ARHGEF18: variants seen among roughly 807,000 people sequenced by gnomAD.
The protein encoded by ARHGEF18 is Rho/Rac guanine nucleotide exchange factor 18, also known as rho guanine nucleotide exchange factor 18.
A neutral mutation model predicts 155.7 loss-of-function variants in ARHGEF18; 93 were observed. The observed-to-expected ratio is 0.60, with a 90% CI of 0.50 to 0.71. The LOEUF (loss-of-function observed/expected upper bound fraction) is 0.71. Ranked by LOEUF, ARHGEF18 falls within the 30% of genes least tolerant of loss-of-function variation. The pLI, the probability that ARHGEF18 is intolerant of heterozygous loss-of-function variation, is 0.00. For missense variants in ARHGEF18, 1,593 were observed against 1,816.1 expected, an observed-to-expected ratio of 0.88 and a Z score of 2.23; for synonymous variants, 742 against 753.1, an observed-to-expected ratio of 0.99 and a Z score of 0.24.
rs970051244 is a variant in ARHGEF18, at chr19:7,462,095, A to C, written c.2453-57A>C. ...ATCCTTAGGCCAGTCCCCGGGGCTCAGATGATTCCAGGGAAGGCCGACCCG... is the reference window on the plus strand; with the variant it reads ...ATCCTTAGGCCAGTCCCCGGGGCTCCGATGATTCCAGGGAAGGCCGACCCG... On this transcript the variant is annotated intron_variant, in intron 20 of 28. Transcript: ENST00000668164. The surrounding 1 kb of genome is among the most constrained non-coding windows in gnomAD (Gnocchi z 4.4). 1.2e-6 allele frequency: 2 copies of C among 1,608,184 alleles called. No homozygotes were observed. The highest frequency in any genetic ancestry group is 2.7e-5 in the African/African-American group (2 of 74,870).
Position 7,375,387 on chromosome 19 carries a change from G to GAAGGAAGGAAGAAAGGAAGGAAGAA in ARHGEF18, c.276-304_276-280dup, listed in dbSNP as rs1351040707. Among the ~76,000 whole-genome samples, 6 of 144,468 alleles carry GAAGGAAGGAAGAAAGGAAGGAAGAA rather than the reference G, an allele frequency of 4.2e-5. No individual in the cohort carries two copies. The East Asian group carries it at 5.9e-4, about 14-fold the overall frequency. The allele number at this position is 144,468 out of a possible 152,430, so 94.8% of individuals were successfully genotyped here. A position where few individuals can be genotyped will look rare whatever the true frequency, so the allele number is the denominator to read the frequency against. ...GAAGGAAGGAAGGAAGAAAGAAAAG[G>GAAGGAAGGAAGAAAGGAAGGAAGAA]AAGGAAGGAAGAAAGGAAGGAAGAA... On this transcript the variant is annotated intron_variant, in intron 3 of 28. Transcript: ENST00000668164.
chr19:7,440,304 C>T lies in ARHGEF18; in HGVS notation c.968-40C>T, dbSNP rs761625814. 8.1e-6 allele frequency: 13 copies of T among 1,598,194 alleles called. No individual in the cohort carries two copies. The highest frequency in any genetic ancestry group is 9.4e-6 in the Non-Finnish European group (11 of 1,172,712). ...CGCCGGGGACCTCCGCTACCCGACC[C>T]ACTTTCTCAGCACCAACTCTGTCCT... On this transcript the variant is annotated intron_variant, in intron 10 of 28. Transcript: ENST00000668164. The surrounding 1 kb of genome is among the most constrained non-coding windows in gnomAD (Gnocchi z 5.4).
At chr19:7,354,659 C>A (rs978327782) in intron 1 of ARHGEF18, among the ~76,000 whole-genome samples, 1 of 150,132 alleles carries the variant, frequency 6.7e-6, no homozygotes, top group Admixed American at 6.7e-5. Context: ...CAGCACTTTG[C>A]GAGGCCGCGG....
At chr19:7,464,520 G>A in intron 22 of ARHGEF18, 40 bp from the exon 23 acceptor site, 2 of 1,583,450 alleles carry the variant, frequency 1.3e-6, no homozygotes, top group East Asian at 4.5e-5. Context: ...CCTCCCCACG[G>A]GATGGCAGCA....
Position 7,395,799 on chromosome 19 carries a change from A to C in ARHGEF18, c.967+12596A>C, listed in dbSNP as rs1290846183. On this transcript the variant is annotated intron_variant, in intron 10 of 28. Transcript: ENST00000668164. This position sits in a 1 kb window ranked among gnomAD's most constrained non-coding sequence, Gnocchi z 5.0. Reference sequence around the variant, plus strand: ...TGCTTTCATTGCGGACGGGAACGAGAAGCTTTCCCCTGGTCCTTACATGTT... The same window carrying C: ...TGCTTTCATTGCGGACGGGAACGAGCAGCTTTCCCCTGGTCCTTACATGTT... Among the ~76,000 whole-genome samples the C allele has an allele frequency of 1.3e-5, 2 of 152,150 alleles. No individual in the cohort carries two copies. The highest frequency in any genetic ancestry group is 3.9e-4 in the East Asian group (2 of 5,190).
chr19:7,367,165 G>A (rs1969923189), intron 2 of ARHGEF18, among the ~76,000 whole-genome samples: 1 of 152,208 alleles, frequency 6.6e-6, no homozygotes, highest in Admixed American at 6.6e-5. Context: ...CTACAAGTAG[G>A]TGGCAGTATG....
chr19:7,407,064 CAAAA>C (rs3997572), intron 10 of ARHGEF18, among the ~76,000 whole-genome samples: 49 of 55,750 alleles, frequency 8.8e-4, no homozygotes, highest in African/African-American at 2.7e-3. Flanking sequence ...GACTCCGTCT[CAAAA>C]AAAAAAAAAA....
rs1265522699 is a variant in ARHGEF18 at position 7,362,867 on chromosome 19, G to A, written c.-24G>A. On this transcript the variant is annotated 5_prime_UTR_variant, in exon 2 of 29. Coordinates refer to ENST00000668164, the MANE Select transcript of ARHGEF18 (RefSeq NM_001367823.1). Reference sequence around the variant, plus strand: ...GAGCAGCAGTGGATCCTGGAAACCTGAGAACCCAGACTTCTTCTCTGCCAT... The same window carrying A: ...GAGCAGCAGTGGATCCTGGAAACCTAAGAACCCAGACTTCTTCTCTGCCAT... 8.1e-7 allele frequency: 1 copy of A among 1,234,300 alleles called. No homozygotes were observed. 76.5% of individuals were successfully genotyped at this position (1,234,300 alleles called of 1,614,324 possible).
chr19:7,385,046 T>C (rs189612557), intron 10 of ARHGEF18, among the ~76,000 whole-genome samples: 9 of 152,242 alleles, frequency 5.9e-5, no homozygotes, highest in Admixed American at 4.6e-4. Context: ...AGTCCTTAAT[T>C]TGGGACAGCA....
intron 10 of ARHGEF18, among the ~76,000 whole-genome samples, chr19:7,415,769 A>G (rs936301940): frequency 4.0e-5 from 6 of 151,884 alleles, no homozygotes; most frequent in Non-Finnish European, 7.4e-5. Flanking sequence ...CTTCTAAATA[A>G]ACAAAACTAC....
At chr19:7,451,427 G>A (rs1975462334) in intron 16 of ARHGEF18, among the ~76,000 whole-genome samples, 161 bp downstream of exon 16, 1 of 97,956 alleles carries the variant, frequency 1.0e-5, no homozygotes, top group African/African-American at 3.5e-5. Flanking sequence ...TTTTTTTTAA[G>A]AGACAGAGTC....
intron 10 of ARHGEF18, among the ~76,000 whole-genome samples, chr19:7,399,858 G>A (rs1241179186): frequency 1.3e-5 from 2 of 149,408 alleles, no homozygotes; most frequent in Admixed American, 6.7e-5. Flanking sequence ...CTACAGCCTC[G>A]ACCTCCTAGG....
At chr19:7,369,485 G>C (rs1016796794) in intron 2 of ARHGEF18, among the ~76,000 whole-genome samples, 1 of 150,528 alleles carries the variant, frequency 6.6e-6, no homozygotes, top group African/African-American at 2.4e-5. Context: ...AAAAAAAAAG[G>C]AAAGAAAGAA....
rs71177201 is a variant in ARHGEF18 at position 7,367,840 on chromosome 19, T to TATACACATATATATA, written c.15+4935_15+4936insATACACATATATATA. On this transcript the variant is annotated intron_variant, in intron 2 of 28. Coordinates refer to ENST00000668164, the MANE Select transcript of ARHGEF18 (RefSeq NM_001367823.1). ...TTATATATATATACACATATATATA[T>TATACACATATATATA]TTTATATATATATATACACATATAT... Among the ~76,000 whole-genome samples the TATACACATATATATA allele has an allele frequency of 8.7e-5, 3 of 34,408 alleles. 1 individual carries two copies. Among genetic ancestry groups the TATACACATATATATA allele is most frequent in the African/African-American group, 1.9e-4 (2 of 10,630 alleles). The allele number at this position is 34,408 out of a possible 152,430, so 22.6% of individuals were successfully genotyped here. A position where few individuals can be genotyped will look rare whatever the true frequency, so the allele number is the denominator to read the frequency against.
intron 2 of ARHGEF18, 83 bp downstream of exon 2, chr19:7,362,988 C>G: frequency 8.2e-7 from 1 of 1,225,074 alleles, no homozygotes; most frequent in South Asian, 4.1e-5. Flanking sequence ...TGCATTTTAC[C>G]AGGCACTTTG....
intron 10 of ARHGEF18, among the ~76,000 whole-genome samples, chr19:7,432,788 T>C (rs971964208): frequency 7.9e-5 from 12 of 152,226 alleles, no homozygotes; most frequent in Non-Finnish European, 1.3e-4. Context: ...TGCTTACAAA[T>C]TGGCATTTCT....
At chr19:7,469,859 CA>C (rs776178528) in intron 27 of ARHGEF18, 44 bp from the exon 28 acceptor site, 28 of 1,599,454 alleles carry the variant, frequency 1.8e-5, no homozygotes, top group Non-Finnish European at 2.3e-5. Flanking sequence ...CGGGTGGGGA[CA>C]GCTGGCCAGC....
chr19:7,476,066 T>C (rs1977220631), downstream of ARHGEF18, among the ~76,000 whole-genome samples: 1 of 152,168 alleles, frequency 6.6e-6, no homozygotes, highest in Non-Finnish European at 1.5e-5. Context: ...ACAAATGTAC[T>C]CTGGGAGGCC....
intron 10 of ARHGEF18, among the ~76,000 whole-genome samples, chr19:7,434,020 T>TAA (rs74939736): frequency 6.1e-5 from 5 of 82,228 alleles, no homozygotes; most frequent in Non-Finnish European, 9.6e-5. Context: ...TCTGTCTCAT[T>TAA]AAAAAAAAAA....
Sources: allele counts gnomAD v4.1 joint callset (sites outside exome capture counted in the v4.1 genomes callset), GRCh38; gene constraint gnomAD v4.1.1; non-coding constraint Gnocchi (gnomAD v3.1); transcripts MANE v1.5; gene names NCBI Gene and HGNC (gene_info 2026-07-23, HGNC 2026-07-21).